EIF2AK4: variants seen among roughly 807,000 people sequenced by gnomAD.
EIF2AK4 encodes eIF-2-alpha kinase GCN2.
EIF2AK4 carries 139 observed loss-of-function variants against 211.1 expected under a neutral mutation model. The ratio of observed to expected loss-of-function variants is 0.66; its 90% CI spans 0.57 to 0.76. The LOEUF is 0.76. Among genes scored for constraint, EIF2AK4 ranks in the 30% least tolerant of loss-of-function variants. The pLI, the probability that EIF2AK4 is intolerant of heterozygous loss-of-function variation, is 0.00. For missense variants in EIF2AK4, 1,664 were observed against 2,043.8 expected, an observed-to-expected ratio of 0.81 and a Z score of 3.58; for synonymous variants, 710 against 751.3, an observed-to-expected ratio of 0.94 and a Z score of 0.90.
chr15:39,977,521 G>A (rs2034717580), intron 12 of EIF2AK4: 1 of 152,092 alleles, frequency 6.6e-6, no homozygotes, highest in African/African-American at 2.4e-5. Context: ...TGGAGGTTTG[G>A]GACCCCTAAT....
chr15:40,032,542 G>GT (rs1480598795), intron 36 of EIF2AK4, among the ~76,000 whole-genome samples: 3 of 152,198 alleles, frequency 2.0e-5, no homozygotes, highest in Admixed American at 6.5e-5. Context: ...GACCTTTCGG[G>GT]TGTGGTGTAG....
Position 39,955,638 on chromosome 15 carries a change from A to G in EIF2AK4, c.613A>G (p.Ser205Gly), listed in dbSNP as rs778934283. The G allele has an allele frequency of 2.5e-6, 4 of 1,608,016 alleles. No individual in the cohort carries two copies. The South Asian group carries it at 4.5e-5, about 18-fold the overall frequency. The change falls in exon 6 of 39, where the codon AGT (serine) becomes GGT (glycine). Residue 205 changes from serine to glycine, a missense_variant. Physicochemically the swap from Ser to Gly is moderately conservative, Grantham distance 56. Transcript: ENST00000263791. ...GTTCTAGGAACGTTTGGAAATTGCTAGTTTGTCAAACCAAGATCATACCTC... is the reference window on the plus strand; with the variant it reads ...GTTCTAGGAACGTTTGGAAATTGCTGGTTTGTCAAACCAAGATCATACCTC... ...MAKQERLEIA[S>G]LSNQDHTSKK...
At chr15:39,955,481 A>T in intron 5 of EIF2AK4, 139 bp from the exon 6 acceptor site, 1 of 825,724 alleles carries the variant, frequency 1.2e-6, no homozygotes, top group Admixed American at 3.3e-5. Context: ...TTAAACGATT[A>T]AAAGTTAAGT....
chr15:40,030,575 A>G (rs2035528213), intron 35 of EIF2AK4, 119 bp downstream of exon 35: 2 of 1,157,010 alleles, frequency 1.7e-6, no homozygotes, highest in Non-Finnish European at 2.4e-6. Flanking sequence ...TCCAAGAAAA[A>G]AATTTTTCTT....
In EIF2AK4 at chr15:40,022,318, G is replaced by C. The variant is rs1284523494; in HGVS notation, c.4303-201G>C. 7.7e-6 allele frequency: 4 copies of C among 518,136 alleles called. No homozygotes were observed. The East Asian group carries it at 1.3e-4, about 17-fold the overall frequency. The allele number at this position is 518,136 out of a possible 1,614,324, so 32.1% of individuals were successfully genotyped here. A position where few individuals can be genotyped will look rare whatever the true frequency, so the allele number is the denominator to read the frequency against. ...TCATGGCCCTTTAAACAATCATGAA[G>C]GGAAGGGAGGCAAGAGAGGCCTTGT... On this transcript the variant is annotated intron_variant, in intron 31 of 38. Transcript: ENST00000263791.
chr15:39,953,824 A>G, intron 4 of EIF2AK4, 80 bp from the exon 5 acceptor site: 1 of 1,405,374 alleles, frequency 7.1e-7, no homozygotes, highest in Non-Finnish European at 9.8e-7. Context: ...GAAAGTTAAA[A>G]GATTTTTCTG....
At chr15:40,023,289 T>G (rs1046397395) in intron 32 of EIF2AK4, among the ~76,000 whole-genome samples, 1 of 152,210 alleles carries the variant, frequency 6.6e-6, no homozygotes, top group Non-Finnish European at 1.5e-5. Context: ...CCTCATAACC[T>G]TTATTTCTAA....
chr15:39,944,777 C>G (rs1011308396), intron 3 of EIF2AK4, among the ~76,000 whole-genome samples: 1 of 152,148 alleles, frequency 6.6e-6, no homozygotes, highest in African/African-American at 2.4e-5. Flanking sequence ...CCCTCGGCTT[C>G]CATGTCTGTT....
chr15:39,937,413 GTT>G (rs1258984885), intron 1 of EIF2AK4, among the ~76,000 whole-genome samples: 1 of 151,820 alleles, frequency 6.6e-6, no homozygotes, highest in Admixed American at 6.6e-5. Flanking sequence ...TCATACTCTG[GTT>G]TATTTTTCTA....
Position 40,001,117 on chromosome 15 carries a change from A to G in EIF2AK4, c.3052A>G (p.Thr1018Ala). Reference protein sequence around the residue: ...ESELHEVLHHTLTNVDGKAYR... With the variant: ...ESELHEVLHHALTNVDGKAYR... ...AGAGCTGCATGAAGTGCTGCACCACACGCTGACCAACGTGGATGGGAAGGC... is the reference window on the plus strand; with the variant it reads ...AGAGCTGCATGAAGTGCTGCACCACGCGCTGACCAACGTGGATGGGAAGGC... The change falls in exon 21 of 39, where the codon ACG (threonine) becomes GCG (alanine). Residue 1018 changes from threonine to alanine, a missense_variant. Physicochemically the swap from Thr to Ala is moderately conservative, Grantham distance 58. Transcript: ENST00000263791. 6.2e-7 allele frequency: 1 copy of G among 1,614,094 alleles called. No homozygotes were observed. The highest frequency in any genetic ancestry group is 1.1e-5 in the South Asian group (1 of 91,084).
At chr15:39,987,685 A>G (rs2034884700) in intron 14 of EIF2AK4, among the ~76,000 whole-genome samples, 1 of 152,234 alleles carries the variant, frequency 6.6e-6, no homozygotes, top group Non-Finnish European at 1.5e-5. Flanking sequence ...AAATTTTACA[A>G]CATTCTCAGT....
chr15:39,969,491 G>A (rs755417280), intron 9 of EIF2AK4, among the ~76,000 whole-genome samples: 19 of 150,964 alleles, frequency 1.3e-4, no homozygotes, highest in Non-Finnish European at 2.2e-4. Flanking sequence ...CTCCTGAGTA[G>A]CTGGGTCTAC....
Position 39,976,470 on chromosome 15 carries a change from G to A in EIF2AK4, c.1875G>A (p.Pro625=). 3.7e-6 allele frequency: 6 copies of A among 1,610,600 alleles called. No homozygotes were observed. The highest frequency in any genetic ancestry group is 1.1e-5 in the South Asian group (1 of 90,466). The change falls in exon 12 of 39, where the codon CCG becomes CCA. Residue 625 remains proline, a synonymous_variant. Coordinates refer to ENST00000263791, the MANE Select transcript of EIF2AK4 (RefSeq NM_001013703.4). ...CYAVKRIPIN[P]ASRQFRRIKG... ...CAGTGAAGCGCATCCCCATCAACCCGGCCAGCCGGCAGTTCCGCAGGATCA... is the reference window on the plus strand; with the variant it reads ...CAGTGAAGCGCATCCCCATCAACCCAGCCAGCCGGCAGTTCCGCAGGATCA...
intron 26 of EIF2AK4, 127 bp downstream of exon 26, chr15:40,009,857 T>G (rs2035212770): frequency 1.5e-6 from 1 of 689,220 alleles, no homozygotes; most frequent in African/African-American, 1.8e-5. Context: ...ATCTCCTTCC[T>G]TCATTGCTCT....
intron 15 of EIF2AK4, among the ~76,000 whole-genome samples, 191 bp downstream of exon 15, chr15:39,988,296 T>C (rs76856726): frequency 2.6e-5 from 4 of 152,212 alleles, no homozygotes; most frequent in Admixed American, 6.5e-5. Flanking sequence ...TATCAGAGTA[T>C]AACATTAAAA....
intron 2 of EIF2AK4, among the ~76,000 whole-genome samples, chr15:39,941,607 T>G (rs549003699): frequency 1.4e-4 from 22 of 152,352 alleles, no homozygotes; most frequent in African/African-American, 5.3e-4. Flanking sequence ...AATTATAGCA[T>G]TATTTGTGAA....
At chr15:40,030,612 G>C (rs1448766232) in intron 35 of EIF2AK4, among the ~76,000 whole-genome samples, 156 bp downstream of exon 35, 1 of 152,202 alleles carries the variant, frequency 6.6e-6, no homozygotes, top group African/African-American at 2.4e-5. Context: ...GGTGGCTTCT[G>C]GCTCCAGGAT....
intron 29 of EIF2AK4, among the ~76,000 whole-genome samples, chr15:40,017,605 C>T (rs1296969117): frequency 3.5e-5 from 5 of 143,066 alleles, no homozygotes; most frequent in Admixed American, 7.2e-5. Flanking sequence ...AGTGCAATGG[C>T]GCAATCTTGG....
chr15:40,022,468 C>G, intron 31 of EIF2AK4, 51 bp from the exon 32 acceptor site: 1 of 1,444,652 alleles, frequency 6.9e-7, no homozygotes, highest in Non-Finnish European at 9.7e-7. Context: ...TTACTTGAAG[C>G]TGTTCCAGGT....
Sources: allele counts gnomAD v4.1 joint callset (sites outside exome capture counted in the v4.1 genomes callset), GRCh38; gene constraint gnomAD v4.1.1; transcripts MANE v1.5; gene names NCBI Gene and HGNC (gene_info 2026-07-23, HGNC 2026-07-21).